The following GABBR2 variants were observed in gnomAD, a reference collection of about 807,000 sequenced individuals.
GABBR2 encodes G-protein coupled receptor 51.
In GABBR2, 23 loss-of-function variants were observed where a neutral mutation model predicts 105.6. The ratio of observed to expected loss-of-function variants is 0.22; its 90% CI spans 0.16 to 0.31. The LOEUF (loss-of-function observed/expected upper bound fraction) is 0.31, where lower values mean the gene tolerates loss of function less well. GABBR2 is among the 10% of genes least tolerant of loss of function. The pLI is 1.00. For synonymous variants in GABBR2, 478 were observed against 499.7 expected (o/e 0.96, Z 0.58); for missense variants, 734 against 1,245.5 (o/e 0.59, Z 6.18).
Position 98,682,236 on chromosome 9 carries a change from A to C in GABBR2, c.321+26181T>G, listed in dbSNP as rs117782638. Among the ~76,000 whole-genome samples, 812 of 151,882 alleles carry C rather than the reference A, an allele frequency of 5.3e-3. 2 individuals are homozygous for C. The highest frequency in any genetic ancestry group is 0.014 in the East Asian group (71 of 5,174). On this transcript the variant is annotated intron_variant, in intron 1 of 18. Transcript: ENST00000259455. ...AGGATAAGACTTCATCTCAGAAAAA[A>C]AAAACAAAACAAAAAAAAACCCAAA...
At position 98,480,923 on chromosome 9, in the gene GABBR2, T is replaced by C. The variant is rs1187060344; in HGVS notation, c.798+9A>G. ...CCAAAGACACGAATGATACAACTGT[T>C]TTACTTACACAACAGAACACTTTTG... On this transcript the variant is annotated intron_variant, in intron 5 of 18. Transcript: ENST00000259455. 1.3e-6 allele frequency: 2 copies of C among 1,541,722 alleles called. No homozygotes were observed. Among genetic ancestry groups the C allele is most frequent in the African/African-American group, 2.7e-5 (2 of 73,538 alleles).
intron 9 of GABBR2, among the ~76,000 whole-genome samples, chr9:98,390,577 G>A (rs1359953088): frequency 6.6e-6 from 1 of 151,860 alleles, no homozygotes; most frequent in African/African-American, 2.4e-5. Flanking sequence ...CCAAAAGTCT[G>A]GGCTAAAGCA....
chr9:98,378,718 G>A (rs1252005223), intron 11 of GABBR2, among the ~76,000 whole-genome samples: 1 of 152,060 alleles, frequency 6.6e-6, no homozygotes, highest in Non-Finnish European at 1.5e-5. Flanking sequence ...CTGGGATGGG[G>A]GCCACCCTTT....
At chr9:98,347,277 C>T (rs537970308) in intron 13 of GABBR2, among the ~76,000 whole-genome samples, 10 of 152,194 alleles carry the variant, frequency 6.6e-5, no homozygotes, top group Admixed American at 2.6e-4. Context: ...CCATTCTAAC[C>T]GGGGTGAGAT....
intron 1 of GABBR2, among the ~76,000 whole-genome samples, chr9:98,612,350 C>A: frequency 6.6e-6 from 1 of 152,204 alleles, no homozygotes; most frequent in East Asian, 1.9e-4. Flanking sequence ...TGCTTGGATG[C>A]AACAGAAACG....
chr9:98,340,182 G>A (rs1831186379), intron 13 of GABBR2, among the ~76,000 whole-genome samples: 2 of 149,258 alleles, frequency 1.3e-5, no homozygotes, highest in African/African-American at 2.5e-5. Flanking sequence ...TCCAGTGAGG[G>A]GTTTTTTTTT....
intron 6 of GABBR2, among the ~76,000 whole-genome samples, chr9:98,463,906 G>A (rs188564790): frequency 6.6e-6 from 1 of 152,358 alleles, no homozygotes; most frequent in East Asian, 1.9e-4. Flanking sequence ...AAGGTGCTGG[G>A]ATTGCAGATG....
At chr9:98,469,856 T>C (rs1826632481) in intron 6 of GABBR2, among the ~76,000 whole-genome samples, 1 of 152,218 alleles carries the variant, frequency 6.6e-6, no homozygotes, top group South Asian at 2.1e-4. Flanking sequence ...CTTGTTTTCA[T>C]GGACATCGAT....
At chr9:98,359,358 A>T (rs967856974) in intron 13 of GABBR2, among the ~76,000 whole-genome samples, 2 of 152,082 alleles carry the variant, frequency 1.3e-5, no homozygotes, top group Admixed American at 1.3e-4. Context: ...AACCCAGGAG[A>T]TGGAGGTTGA....
At chr9:98,323,163 A>G (rs1375197139) in intron 13 of GABBR2, among the ~76,000 whole-genome samples, 1 of 152,042 alleles carries the variant, frequency 6.6e-6, no homozygotes, top group Non-Finnish European at 1.5e-5. Flanking sequence ...TCCTCTTGAA[A>G]CCTTTTCTCT....
At chr9:98,690,098 AC>A (rs1402898689) in intron 1 of GABBR2, among the ~76,000 whole-genome samples, 1 of 152,156 alleles carries the variant, frequency 6.6e-6, no homozygotes, top group African/African-American at 2.4e-5. Context: ...ACGTTCAGAC[AC>A]CTATCACAGC....
In GABBR2 at chr9:98,306,390, G is replaced by A. The variant is rs747116401; in HGVS notation, c.2005-45C>T. On this transcript the variant is annotated intron_variant, in intron 14 of 18. Transcript: ENST00000259455. The surrounding 1 kb of genome is among the most constrained non-coding windows in gnomAD (Gnocchi z 5.4). ...GGGGAGAGATGATCGTTACCAAGGG[G>A]TGGCACACACAGGCTGCTCTGAGAA... 4 of 1,401,186 alleles carry A rather than the reference G, an allele frequency of 2.9e-6. No individual in the cohort carries two copies. Among genetic ancestry groups the A allele is most frequent in the Middle Eastern group, 1.8e-4 (1 of 5,664 alleles). The allele number at this position is 1,401,186 out of a possible 1,614,324, so 86.8% of individuals were successfully genotyped here. A position where few individuals can be genotyped will look rare whatever the true frequency, so the allele number is the denominator to read the frequency against.
chr9:98,497,945 A>G (rs757192155), intron 3 of GABBR2, among the ~76,000 whole-genome samples: 2 of 152,254 alleles, frequency 1.3e-5, no homozygotes, highest in African/African-American at 2.4e-5. Flanking sequence ...TCATAAGAAC[A>G]TTTGTTCACT....
intron 4 of GABBR2, among the ~76,000 whole-genome samples, chr9:98,485,801 C>A (rs13295431): frequency 6.6e-6 from 1 of 152,122 alleles, no homozygotes; most frequent in Non-Finnish European, 1.5e-5. Context: ...TACACCCGCC[C>A]GGCTGCAGTG....
chr9:98,707,800 CG>C (rs1830917752), intron 1 of GABBR2, among the ~76,000 whole-genome samples: 1 of 152,228 alleles, frequency 6.6e-6, no homozygotes, highest in African/African-American at 2.4e-5. Flanking sequence ...CAGGCAGCGC[CG>C]GGCACGTCCA....
At chr9:98,700,428 T>C (rs1169498176) in intron 1 of GABBR2, among the ~76,000 whole-genome samples, 2 of 152,208 alleles carry the variant, frequency 1.3e-5, no homozygotes, top group East Asian at 3.8e-4. Flanking sequence ...GGGTGGGGAT[T>C]CTAGAGCCTG....
intron 6 of GABBR2, among the ~76,000 whole-genome samples, chr9:98,463,205 C>A (rs1434873908): frequency 6.6e-6 from 1 of 152,144 alleles, no homozygotes; most frequent in African/African-American, 2.4e-5. Context: ...TGCAATAATT[C>A]TACACAGAAA....
intron 7 of GABBR2, among the ~76,000 whole-genome samples, chr9:98,447,431 G>A (rs1243977660): frequency 6.6e-6 from 1 of 152,122 alleles, no homozygotes; most frequent in Non-Finnish European, 1.5e-5. Context: ...CTGGTGGGAG[G>A]CCTGAAGTTT....
Position 98,381,722 on chromosome 9 carries a change from C to T in GABBR2, c.1662+3918G>A, listed in dbSNP as rs915681793. Among the ~76,000 whole-genome samples, 3 of 152,142 alleles carry T rather than the reference C, an allele frequency of 2.0e-5. No individual in the cohort carries two copies. In the South Asian group the frequency reaches 6.2e-4, roughly 32 times the overall value. On this transcript the variant is annotated intron_variant, in intron 11 of 18. Transcript: ENST00000259455. ...CTGCAAATAAATTAATTCTCAGGGG[C>T]AGCAAGAACTGGGCCCTAATATCTT... is the stretch of plus-strand genomic sequence containing the variant.
Sources: allele counts gnomAD v4.1 joint callset (sites outside exome capture counted in the v4.1 genomes callset), GRCh38; gene constraint gnomAD v4.1.1; non-coding constraint Gnocchi (gnomAD v3.1); transcripts MANE v1.5; gene names NCBI Gene and HGNC (gene_info 2026-07-23, HGNC 2026-07-21).